The following OSBPL5 variants were observed in gnomAD, a reference collection of about 807,000 sequenced individuals.
The protein encoded by OSBPL5 is oxysterol binding protein like 5.
In OSBPL5, 71 loss-of-function variants were observed where a neutral mutation model predicts 111.2. The observed-to-expected ratio is 0.64, with a 90% CI of 0.53 to 0.78. OSBPL5 has a LOEUF of 0.78. Among genes scored for constraint, OSBPL5 ranks in the 30% least tolerant of loss-of-function variants. The pLI, the probability that OSBPL5 is intolerant of heterozygous loss-of-function variation, is 0.00. For synonymous variants in OSBPL5, 549 were observed against 513.9 expected (o/e 1.07, Z -0.93); for missense variants, 1,210 against 1,189.3 (o/e 1.02, Z -0.26).
rs545576366 is a variant in OSBPL5 at position 3,089,048 on chromosome 11, C to A, written c.2502-705G>T. ...TGCTGCAGAAGCTTCTGGCTGAGTC[C>A]TGGCCACCTGCCTGACAGCTGACCT... is the stretch of plus-strand genomic sequence containing the variant. On this transcript the variant is annotated intron_variant, in intron 21 of 21. Transcript: ENST00000263650. Among the ~76,000 whole-genome samples, 416 of 152,344 alleles carry A rather than the reference C, an allele frequency of 2.7e-3. 1 individual carries two copies. Among genetic ancestry groups the A allele is most frequent in the African/African-American group, 9.4e-3 (392 of 41,580 alleles).
Position 3,129,077 on chromosome 11 carries a change from G to T in OSBPL5, c.72C>A (p.Asp24Glu). 1 of 1,574,374 alleles carries T rather than the reference G, an allele frequency of 6.4e-7. No homozygotes were observed. Among genetic ancestry groups the T allele is most frequent in the Non-Finnish European group, 8.6e-7 (1 of 1,161,176 alleles). Residue 24 changes from aspartate to glutamate, a missense_variant, in exon 2 of 22, where the codon GAC (aspartate) becomes GAA (glutamate). By Grantham distance (45) the Asp-to-Glu change is conservative (BLOSUM62 2). Coordinates refer to ENST00000263650, the MANE Select transcript of OSBPL5 (RefSeq NM_020896.4). ...GCAAGTTCCGGGTGAGCTTCCGGGGGTCGACTTTCTGAGGGGTGGAGGAAG... is the reference window on the plus strand; with the variant it reads ...GCAAGTTCCGGGTGAGCTTCCGGGGTTCGACTTTCTGAGGGGTGGAGGAAG... Reference protein sequence around the residue: ...CPPSSTPQKVDPRKLTRNLLL... With the variant: ...CPPSSTPQKVEPRKLTRNLLL...
At position 3,120,523 on chromosome 11, in the gene OSBPL5, C is replaced by A; in HGVS notation, c.504G>T (p.Thr168=). The A allele has an allele frequency of 6.2e-7, 1 of 1,613,296 alleles. No homozygotes were observed. The highest frequency in any genetic ancestry group is 8.5e-7 in the Non-Finnish European group (1 of 1,180,010). Reference sequence around the variant, plus strand: ...TGAGCTCGCAGCAGTGCAGCAGCACCGTGCCCACCCACTGGCCCACCTTGG... The same window carrying A: ...TGAGCTCGCAGCAGTGCAGCAGCACAGTGCCCACCCACTGGCCCACCTTGG... ...KTPKVGQWVG[T]VLLHCCELIE... The change falls in exon 6 of 22, where the codon ACG becomes ACT. Residue 168 remains threonine, a synonymous_variant. Coordinates refer to ENST00000263650, the MANE Select transcript of OSBPL5 (RefSeq NM_020896.4).
intron 1 of OSBPL5, among the ~76,000 whole-genome samples, chr11:3,151,064 G>A (rs1449133268): frequency 4.6e-5 from 7 of 152,140 alleles, no homozygotes; most frequent in East Asian, 1.9e-4. Flanking sequence ...TGGGGTCCAC[G>A]TGTGAAAAGA....
chr11:3,094,258 G>A lies in OSBPL5; in HGVS notation c.1698C>T (p.Ala566=). 6.2e-7 allele frequency: 1 copy of A among 1,613,526 alleles called. No individual in the cohort carries two copies. The highest frequency in any genetic ancestry group is 8.5e-7 in the Non-Finnish European group (1 of 1,179,936). Residue 566 remains alanine, a synonymous_variant, in exon 15 of 22, where the codon GCC becomes GCT. Transcript: ENST00000263650. ...CTACCTTGAGTTTGAATTCCAGCTG[G>A]GCCTGGAAGTTGTTCTTCGCACACT... ...TIECAKNNFQ[A]QLEFKLKPFF... is the part of the protein sequence containing the mutation.
Position 3,122,051 on chromosome 11 carries a change from C to T in OSBPL5, c.348G>A (p.Gln116=). Residue 116 remains glutamine, a synonymous_variant, in exon 5 of 22, where the codon CAG becomes CAA. Transcript: ENST00000263650. ...YRQEKKRATR[Q]LLSALTDPSV... ...TGGGGTCTGTCAGAGCGCTGAGCAG[C>T]TGCCGTGTGGCGCGCTTCTTCTCCT... The T allele has an allele frequency of 6.3e-7, 1 of 1,583,000 alleles. No homozygotes were observed. The highest frequency in any genetic ancestry group is 8.6e-7 in the Non-Finnish European group (1 of 1,169,436).
At chr11:3,128,405 T>C (rs1858709830) in intron 2 of OSBPL5, among the ~76,000 whole-genome samples, 2 of 152,174 alleles carry the variant, frequency 1.3e-5, no homozygotes, top group African/African-American at 4.8e-5. Context: ...GGGACAGCAG[T>C]CACAGCTCAG....
intron 3 of OSBPL5, among the ~76,000 whole-genome samples, chr11:3,122,972 G>A (rs994273180): frequency 1.1e-4 from 16 of 152,184 alleles, no homozygotes; most frequent in African/African-American, 3.6e-4. Context: ...TTCCCCCTAC[G>A]GTACCCAGCA....
At chr11:3,114,782 T>C (rs1328192350) in intron 7 of OSBPL5, among the ~76,000 whole-genome samples, 1 of 151,606 alleles carries the variant, frequency 6.6e-6, no homozygotes, top group Non-Finnish European at 1.5e-5. Flanking sequence ...TTTGTATTTT[T>C]AGTAGAGATG....
rs1190668958 is a variant in OSBPL5, at chr11:3,114,606, T to TTTC, written c.691+4940_691+4941insGAA. On this transcript the variant is annotated intron_variant, in intron 7 of 21. Transcript: ENST00000263650. Reference sequence around the variant, plus strand: ...TAGAACAATGATTTTTTTTTTTTTTTTTTTTTTTTTTAGACAGAGTCTCGC... The same window carrying TTTC: ...TAGAACAATGATTTTTTTTTTTTTTTTTCTTTTTTTTTTTAGACAGAGTCTCGC... 3.5e-5 allele frequency among the ~76,000 whole-genome samples: 5 copies of TTTC among 143,712 alleles called. 1 individual carries two copies. In the East Asian group the frequency reaches 9.9e-4, roughly 28 times the overall value. The allele number at this position is 143,712 out of a possible 152,430, so 94.3% of individuals were successfully genotyped here.
Position 3,122,741 on chromosome 11 carries a change from T to C in OSBPL5, c.220-313A>G, listed in dbSNP as rs540995095. ...GGAGGGAAATGTGGGGACATCAGGGTTCAGGGCTGACTTCCTACGGGTCTG... is the reference window on the plus strand; with the variant it reads ...GGAGGGAAATGTGGGGACATCAGGGCTCAGGGCTGACTTCCTACGGGTCTG... On this transcript the variant is annotated intron_variant, in intron 3 of 21. Coordinates refer to ENST00000263650, the MANE Select transcript of OSBPL5 (RefSeq NM_020896.4). 2.9e-4 allele frequency among the ~76,000 whole-genome samples: 44 copies of C among 152,262 alleles called. 1 individual carries two copies. Among genetic ancestry groups the C allele is most frequent in the African/African-American group, 9.6e-4 (40 of 41,540 alleles).
intron 14 of OSBPL5, among the ~76,000 whole-genome samples, chr11:3,098,667 G>A (rs545753211): frequency 7.9e-5 from 12 of 151,794 alleles, no homozygotes; most frequent in Admixed American, 6.6e-4. Flanking sequence ...CACCATGTCT[G>A]GCTAATTTTG....
chr11:3,108,062 T>A, intron 7 of OSBPL5, 117 bp from the exon 8 acceptor site: 1 of 1,337,724 alleles, frequency 7.5e-7, no homozygotes, highest in Non-Finnish European at 1.0e-6. Flanking sequence ...ACCCCCTCCA[T>A]CCCAGACCCA....
rs1564830719 is a variant in OSBPL5, at chr11:3,103,855, TCTGC to T, written c.1244+334_1244+337del. On this transcript the variant is annotated intron_variant, in intron 10 of 21. Coordinates refer to ENST00000263650, the MANE Select transcript of OSBPL5 (RefSeq NM_020896.4). ...TCCAGCCTCTGCAGCCCCTTTCCAG[TCTGC>T]GCAGCCCCCTTCCTGCCTCTGTAGC... 7.0e-4 allele frequency among the ~76,000 whole-genome samples: 72 copies of T among 102,434 alleles called. 6 individuals are homozygous for T. The highest frequency in any genetic ancestry group is 4.2e-3 in the South Asian group (13 of 3,104). The allele number at this position is 102,434 out of a possible 152,430, so 67.2% of individuals were successfully genotyped here.
chr11:3,113,371 T>C lies in OSBPL5; in HGVS notation c.692-5426A>G, dbSNP rs1234471336. 6.6e-6 allele frequency among the ~76,000 whole-genome samples: 1 copy of C among 152,168 alleles called. No individual in the cohort carries two copies. The highest frequency in any genetic ancestry group is 2.4e-5 in the African/African-American group (1 of 41,444). On this transcript the variant is annotated intron_variant, in intron 7 of 21. Coordinates refer to ENST00000263650, the MANE Select transcript of OSBPL5 (RefSeq NM_020896.4). This position sits in a 1 kb window ranked among gnomAD's most constrained non-coding sequence, Gnocchi z 4.8. ...AAACCCAGCCCAAGACAGAATGATCTTTGCTTGTGTAATCTTTAATAATGC... is the reference window on the plus strand; with the variant it reads ...AAACCCAGCCCAAGACAGAATGATCCTTGCTTGTGTAATCTTTAATAATGC...
At chr11:3,103,740 C>A (rs1185094357) in intron 10 of OSBPL5, among the ~76,000 whole-genome samples, 2 of 53,074 alleles carry the variant, frequency 3.8e-5, no homozygotes, top group African/African-American at 1.1e-4. Context: ...CTTCCTGCCT[C>A]TGCAACCCTC....
chr11:3,139,776 CCT>C (rs1473408383), intron 1 of OSBPL5, among the ~76,000 whole-genome samples: 2 of 152,242 alleles, frequency 1.3e-5, no homozygotes, highest in African/African-American at 4.8e-5. Flanking sequence ...CTTCCCCCGG[CCT>C]CTCTTCCTTC....
At chr11:3,122,471 G>C (rs776352036) in intron 3 of OSBPL5, 43 bp from the exon 4 acceptor site, 1 of 1,588,550 alleles carries the variant, frequency 6.3e-7, no homozygotes, top group Admixed American at 1.7e-5. Flanking sequence ...CACAGGGGCC[G>C]GCCCAGGGCT....
At chr11:3,103,807 T>TTCCAGCCTCTGCAGTCC (rs1857575189) in intron 10 of OSBPL5, among the ~76,000 whole-genome samples, 2 of 44,470 alleles carry the variant, frequency 4.5e-5, no homozygotes, top group Non-Finnish European at 1.2e-4. Flanking sequence ...TCTGCAGCCC[T>TTCCAGCCTCTGCAGTCC]CTTCCTGCCT....
chr11:3,143,100 A>G (rs1187049828), intron 1 of OSBPL5, among the ~76,000 whole-genome samples: 28 of 48,320 alleles, frequency 5.8e-4, no homozygotes, highest in African/African-American at 2.4e-3. Flanking sequence ...CAGAGGAGGC[A>G]GGTGCAGAGC....
Sources: gnomAD v4.1 joint callset for allele counts (sites outside exome capture counted in the v4.1 genomes callset) on GRCh38, gnomAD v4.1.1 for gene constraint, Gnocchi (gnomAD v3.1) non-coding constraint, MANE v1.5 for transcripts, NCBI Gene and HGNC (gene_info 2026-07-23, HGNC 2026-07-21) for gene names.